The following ERICH1 variants were observed in gnomAD, a reference collection of about 807,000 sequenced individuals.
The protein encoded by ERICH1 is glutamate-rich protein 1.
In ERICH1, 56 loss-of-function variants were observed where a neutral mutation model predicts 39.6. The ratio of observed to expected loss-of-function variants is 1.41; its 90% CI spans 1.14 to 1.77. The LOEUF (loss-of-function observed/expected upper bound fraction) is 1.77. Ranked by LOEUF, ERICH1 falls within the 40% of genes most tolerant of loss-of-function variation. The pLI is 0.00. For missense variants in ERICH1, 826 were observed against 575.4 expected, an observed-to-expected ratio of 1.44 and a Z score of -4.45; for synonymous variants, 313 against 223.6, an observed-to-expected ratio of 1.40 and a Z score of -3.57.
chr8:694,322 C>T (rs183890422), intron 2 of ERICH1, among the ~76,000 whole-genome samples: 7 of 152,330 alleles, frequency 4.6e-5, no homozygotes, highest in Admixed American at 3.9e-4. Context: ...AGTACACTGT[C>T]CCCTACTGGG....
At chr8:699,314 T>C (rs1811118812) in intron 2 of ERICH1, among the ~76,000 whole-genome samples, 1 of 152,156 alleles carries the variant, frequency 6.6e-6, no homozygotes, top group African/African-American at 2.4e-5. Flanking sequence ...ACCAGAGGGC[T>C]GGACAGAAGA....
downstream of ERICH1, among the ~76,000 whole-genome samples, chr8:661,867 A>G (rs1413280789): frequency 6.6e-6 from 1 of 152,274 alleles, no homozygotes; most frequent in Non-Finnish European, 1.5e-5. Flanking sequence ...CACAGAAGCA[A>G]GAAGGGAGTC....
At chr8:623,884 A>AC (rs752830750) in intron 3 of ERICH1, among the ~76,000 whole-genome samples, 1 of 152,246 alleles carries the variant, frequency 6.6e-6, no homozygotes. Context: ...TAGTAATGGA[A>AC]GAAAAAAGTA....
intron 3 of ERICH1, among the ~76,000 whole-genome samples, chr8:620,520 G>A (rs1364151397): frequency 1.3e-5 from 2 of 152,228 alleles, no homozygotes; most frequent in South Asian, 4.2e-4. Flanking sequence ...AATGTACACT[G>A]ACCTCCTATA....
chr8:632,452 A>C (rs892134815), intron 3 of ERICH1, among the ~76,000 whole-genome samples: 1 of 152,258 alleles, frequency 6.6e-6, no homozygotes, highest in Non-Finnish European at 1.5e-5. Context: ...TGTTTTAAAA[A>C]AATGTATGCA....
In ERICH1 at chr8:664,463, C is replaced by T; in HGVS notation, c.*140G>A. 1 of 1,275,648 alleles carries T rather than the reference C, an allele frequency of 7.8e-7. No homozygotes were observed. The highest frequency in any genetic ancestry group is 9.9e-7 in the Non-Finnish European group (1 of 1,008,660). The allele number at this position is 1,275,648 out of a possible 1,614,324, so 79.0% of individuals were successfully genotyped here. On this transcript the variant is annotated 3_prime_UTR_variant, in exon 6 of 6. Coordinates refer to ENST00000262109, the MANE Select transcript of ERICH1 (RefSeq NM_207332.3). ...TCTGAAGCCTCAGATGGCATCTTGC[C>T]CACCAGGAACAAACACGTGAATAAA...
chr8:680,741 A>C (rs1805935474), intron 3 of ERICH1, among the ~76,000 whole-genome samples: 1 of 152,252 alleles, frequency 6.6e-6, no homozygotes, highest in South Asian at 2.1e-4. Context: ...GTCACCACTC[A>C]GGAGAAAAAG....
intron 1 of ERICH1, among the ~76,000 whole-genome samples, chr8:720,483 T>G (rs1236454844): frequency 1.3e-5 from 2 of 152,238 alleles, no homozygotes; most frequent in Non-Finnish European, 1.5e-5. Context: ...CTTAAAAATC[T>G]TAAGCAAACA....
In ERICH1 at chr8:673,555, A is replaced by C. The variant is rs866340561; in HGVS notation, c.797T>G (p.Val266Gly). The C allele has an allele frequency of 6.2e-7, 1 of 1,600,804 alleles. No homozygotes were observed. Among genetic ancestry groups the C allele is most frequent in the Admixed American group, 1.7e-5 (1 of 58,662 alleles). ...EDPTPAGEED[V>G]KDAREEDGVD... ...ACCGTCCTCCTCCCTGGCGTCTTTA[A>C]CGTCTTCCTCCCCGGCCGGTGTCGG... The change falls in exon 4 of 6, where the codon GTT becomes GGT. Residue 266 changes from valine (V) to glycine (G), a missense_variant. Transcript: ENST00000262109.
Position 708,681 on chromosome 8 carries a change from G to GTTTTTTTTTTGTTTTTTTTT in ERICH1, c.169+7179_169+7180insAAAAAAAAACAAAAAAAAAA, listed in dbSNP as rs1563319316. ...GGGCTGAGTGGTTACGGGATAATGA[G>GTTTTTTTTTTGTTTTTTTTT]TTTTTTTTTTTTTTTTTTTTTTTTT... On this transcript the variant is annotated intron_variant, in intron 2 of 5. Transcript: ENST00000262109. Among the ~76,000 whole-genome samples, 6 of 65,816 alleles carry GTTTTTTTTTTGTTTTTTTTT rather than the reference G, an allele frequency of 9.1e-5. 1 individual carries two copies. The highest frequency in any genetic ancestry group is 1.9e-4 in the Admixed American group (1 of 5,188). 43.2% of individuals were successfully genotyped at this position (65,816 alleles called of 152,430 possible). A position where few individuals can be genotyped will look rare whatever the true frequency, so the allele number is the denominator to read the frequency against.
chr8:641,760 G>C (rs1799015425), intron 3 of ERICH1, among the ~76,000 whole-genome samples: 1 of 152,154 alleles, frequency 6.6e-6, no homozygotes, highest in African/African-American at 2.4e-5. Flanking sequence ...GCGTTTTCCA[G>C]GCTCATCTCA....
intron 2 of ERICH1, among the ~76,000 whole-genome samples, chr8:712,960 C>T (rs1238243148): frequency 1.3e-5 from 2 of 152,230 alleles, no homozygotes; most frequent in African/African-American, 4.8e-5. Flanking sequence ...CACTACAAAG[C>T]CCCACAGACT....
chr8:700,810 T>C (rs1811939720), intron 2 of ERICH1, among the ~76,000 whole-genome samples: 1 of 152,206 alleles, frequency 6.6e-6, no homozygotes, highest in Non-Finnish European at 1.5e-5. Context: ...CTTGGGAAAA[T>C]ATTCCTTTAT....
intron 3 of ERICH1, among the ~76,000 whole-genome samples, chr8:623,248 C>T (rs958187501): frequency 1.8e-4 from 27 of 152,122 alleles, no homozygotes; most frequent in Non-Finnish European, 2.8e-4. Context: ...GGTTTGGCAA[C>T]AATCAATGTA....
At chr8:658,443 C>T (rs1019538359) in intron 3 of ERICH1, among the ~76,000 whole-genome samples, 1 of 152,200 alleles carries the variant, frequency 6.6e-6, no homozygotes, top group East Asian at 1.9e-4. Flanking sequence ...CTTCGACCTC[C>T]CTGAACACCT....
intron 3 of ERICH1, chr8:627,159 G>A: frequency 1.1e-5 from 5 of 456,274 alleles, no homozygotes; most frequent in African/African-American, 4.0e-5. Flanking sequence ...GCAGACCCAG[G>A]TCTGAGCTCA....
rs34599238 is a variant in ERICH1, at chr8:729,814, G to GT, written c.22+1325dup. Among the ~76,000 whole-genome samples, 44 of 150,188 alleles carry GT rather than the reference G, an allele frequency of 2.9e-4. 1 individual carries two copies. Among genetic ancestry groups the GT allele is most frequent in the Admixed American group, 7.3e-4 (11 of 15,084 alleles). On this transcript the variant is annotated intron_variant, in intron 1 of 5. Coordinates refer to ENST00000262109, the MANE Select transcript of ERICH1 (RefSeq NM_207332.3). ...ACTTTAATTTGGTGAATGGAGAAAGGTTTTTTTTTTAAGTTGATTAGGTAC... is the reference window on the plus strand; with the variant it reads ...ACTTTAATTTGGTGAATGGAGAAAGGTTTTTTTTTTTAAGTTGATTAGGTAC...
intron 3 of ERICH1, among the ~76,000 whole-genome samples, chr8:691,361 C>G (rs28750295): frequency 0.23 from 34,802 of 152,078 alleles, 4,076 homozygotes; most frequent in East Asian, 0.42. Context: ...CACAGCCTGT[C>G]TGGGAAGCAG....
downstream of ERICH1, among the ~76,000 whole-genome samples, chr8:662,100 T>C (rs1213014703): frequency 6.6e-6 from 1 of 151,562 alleles, no homozygotes; most frequent in African/African-American, 2.4e-5. Context: ...CTGTGGAACC[T>C]ACAGGGATTC....
Sources: allele counts gnomAD v4.1 joint callset (sites outside exome capture counted in the v4.1 genomes callset), GRCh38; gene constraint gnomAD v4.1.1; transcripts MANE v1.5; gene names NCBI Gene and HGNC (gene_info 2026-07-23, HGNC 2026-07-21).